Variants in FAM78B observed in about 807,000 individuals in gnomAD.
The protein encoded by FAM78B is family with sequence similarity 78 member B.
In FAM78B, 10 loss-of-function variants were observed where a neutral mutation model predicts 20.0. That is an observed-to-expected ratio of 0.50 (90% CI 0.31 to 0.85). FAM78B has a LOEUF of 0.85. FAM78B is among the 40% of genes least tolerant of loss of function. The pLI, the probability that FAM78B is intolerant of heterozygous loss-of-function variation, is 0.05. For missense variants in FAM78B, 283 were observed against 345.0 expected, an observed-to-expected ratio of 0.82 and a Z score of 1.42; for synonymous variants, 135 against 132.8, an observed-to-expected ratio of 1.02 and a Z score of -0.12.
intron 1 of FAM78B, among the ~76,000 whole-genome samples, chr1:166,137,583 C>T (rs1263794079): frequency 6.6e-6 from 1 of 151,972 alleles, no homozygotes; most frequent in African/African-American, 2.4e-5. Context: ...AAATGTGCTC[C>T]CTGTGACTGA....
At chr1:166,073,846 T>C (rs575196647) in intron 1 of FAM78B, among the ~76,000 whole-genome samples, 13 of 152,282 alleles carry the variant, frequency 8.5e-5, no homozygotes, top group African/African-American at 3.1e-4. Context: ...GTAAGGGCCA[T>C]CTTTGGCTCT....
At chr1:166,089,247 G>T (rs1652965428) in intron 1 of FAM78B, among the ~76,000 whole-genome samples, 1 of 152,174 alleles carries the variant, frequency 6.6e-6, no homozygotes, top group Non-Finnish European at 1.5e-5. Flanking sequence ...ATCACCATTT[G>T]TAATTATATA....
chr1:166,076,825 A>G (rs1037584308), intron 1 of FAM78B, among the ~76,000 whole-genome samples: 2 of 152,176 alleles, frequency 1.3e-5, no homozygotes, highest in African/African-American at 4.8e-5. Flanking sequence ...ATAGGCGGAC[A>G]CTGTGTCTGA....
chr1:166,097,186 G>A (rs1260042575), intron 1 of FAM78B, among the ~76,000 whole-genome samples: 1 of 152,230 alleles, frequency 6.6e-6, no homozygotes, highest in East Asian at 1.9e-4. Flanking sequence ...AGAAATACAG[G>A]AGTAGAGGAA....
chr1:166,080,852 G>A (rs1652539962), intron 1 of FAM78B, among the ~76,000 whole-genome samples: 1 of 152,252 alleles, frequency 6.6e-6, no homozygotes, highest in Non-Finnish European at 1.5e-5. Context: ...TGAAGAGAGA[G>A]GAGGCACGGA....
downstream of FAM78B, among the ~76,000 whole-genome samples, chr1:166,064,828 C>A (rs1394422642): frequency 6.6e-6 from 1 of 152,200 alleles, no homozygotes. Context: ...TCTTTCTGAT[C>A]GTGATGTTGG....
intron 1 of FAM78B, among the ~76,000 whole-genome samples, chr1:166,084,719 G>T (rs372528160): frequency 1.3e-5 from 2 of 152,160 alleles, no homozygotes; most frequent in Admixed American, 6.5e-5. Context: ...AGTCTCCTGT[G>T]ACACCTGCAG....
intron 1 of FAM78B, among the ~76,000 whole-genome samples, chr1:166,093,073 G>A (rs1250603616): frequency 1.3e-5 from 2 of 152,054 alleles, no homozygotes; most frequent in East Asian, 3.8e-4. Context: ...AATATACTTG[G>A]GTAGCTACTC....
intron 1 of FAM78B, chr1:166,082,495 CCA>C (rs1652621568): frequency 6.6e-6 from 1 of 152,298 alleles, no homozygotes; most frequent in South Asian, 2.1e-4. Context: ...GCATAAGCCA[CCA>C]CCCTTGGCTC....
At chr1:166,120,349 A>G (rs1654420431) in intron 1 of FAM78B, among the ~76,000 whole-genome samples, 1 of 152,198 alleles carries the variant, frequency 6.6e-6, no homozygotes. Flanking sequence ...TGTGCTTTCC[A>G]TCACACTGCA....
chr1:166,070,235 C>G lies in FAM78B; in HGVS notation c.*6G>C. ...GTGATCCACACACAGTCAGGCCAGT[C>G]TGCTTCTACTTAGGAGGGATCACAA... is the stretch of plus-strand genomic sequence containing the variant. On this transcript the variant is annotated 3_prime_UTR_variant, in exon 2 of 2. Coordinates refer to ENST00000354422, the MANE Select transcript of FAM78B (RefSeq NM_001017961.5). 2.0e-6 allele frequency: 3 copies of G among 1,519,302 alleles called. No homozygotes were observed. The highest frequency in any genetic ancestry group is 2.6e-6 in the Non-Finnish European group (3 of 1,133,104). 94.1% of individuals were successfully genotyped at this position (1,519,302 alleles called of 1,614,324 possible). A position where few individuals can be genotyped will look rare whatever the true frequency, so the allele number is the denominator to read the frequency against.
intron 1 of FAM78B, among the ~76,000 whole-genome samples, chr1:166,086,176 G>A (rs141831323): frequency 1.3e-5 from 2 of 150,758 alleles, no homozygotes; most frequent in African/African-American, 4.9e-5. Flanking sequence ...ACTTAACTCT[G>A]GCCTCTGGCT....
chr1:166,069,457 C>T lies in FAM78B; in HGVS notation c.*784G>A, dbSNP rs1249714240. 1.3e-5 allele frequency: 2 copies of T among 152,156 alleles called. No individual in the cohort carries two copies. The highest frequency in any genetic ancestry group is 2.9e-5 in the Non-Finnish European group (2 of 68,038). The allele number at this position is 152,156 out of a possible 1,614,324, so 9.4% of individuals were successfully genotyped here. ...AGTTAGGATTTCACTAAAACATGGACAGGGCCCCAAATATCATAACTATTG... is the reference window on the plus strand; with the variant it reads ...AGTTAGGATTTCACTAAAACATGGATAGGGCCCCAAATATCATAACTATTG... On this transcript the variant is annotated 3_prime_UTR_variant, in exon 2 of 2. Transcript: ENST00000354422.
intron 1 of FAM78B, among the ~76,000 whole-genome samples, chr1:166,073,168 T>A (rs6672167): frequency 0.15 from 23,027 of 152,190 alleles, 1,916 homozygotes; most frequent in African/African-American, 0.22. Context: ...ACAACAGGCT[T>A]CTTAATCATC....
chr1:166,109,886 A>ATATATATATATATATG (rs1553219467), intron 1 of FAM78B, among the ~76,000 whole-genome samples: 1 of 18,540 alleles, frequency 5.4e-5, no homozygotes, highest in Non-Finnish European at 1.0e-4. Flanking sequence ...ATATATGTAT[A>ATATATATATATATATG]TATGTATATA....
intron 1 of FAM78B, among the ~76,000 whole-genome samples, chr1:166,084,963 A>AT (rs1376921962): frequency 6.6e-6 from 1 of 152,136 alleles, no homozygotes; most frequent in East Asian, 1.9e-4. Context: ...CTTTCTTCTT[A>AT]TTTTTTTCCC....
At chr1:166,101,924 G>C (rs895957321) in intron 1 of FAM78B, among the ~76,000 whole-genome samples, 2 of 152,072 alleles carry the variant, frequency 1.3e-5, no homozygotes, top group Admixed American at 1.3e-4. Context: ...CACCAAAGTT[G>C]AAATGAAGGA....
chr1:166,106,646 C>T lies in FAM78B; in HGVS notation c.264-35883G>A, dbSNP rs185022144. Among the ~76,000 whole-genome samples, 463 of 152,188 alleles carry T rather than the reference C, an allele frequency of 3.0e-3. 4 individuals carry two copies. Among genetic ancestry groups the T allele is most frequent in the African/African-American group, 0.01 (434 of 41,526 alleles). ...GAAAACCAAATACTGCATGTTCTCACTGCTAAGTAGGAGCTAAACATTGGG... is the reference window on the plus strand; with the variant it reads ...GAAAACCAAATACTGCATGTTCTCATTGCTAAGTAGGAGCTAAACATTGGG... On this transcript the variant is annotated intron_variant, in intron 1 of 1. Coordinates refer to ENST00000354422, the MANE Select transcript of FAM78B (RefSeq NM_001017961.5).
chr1:166,154,767 G>C (rs956176621), intron 1 of FAM78B: 1 of 508,304 alleles, frequency 2.0e-6, no homozygotes, highest in Admixed American at 2.1e-5. Context: ...CCATGGACCT[G>C]AGTCTGAATC....
Sources: gnomAD v4.1 joint callset for allele counts (sites outside exome capture counted in the v4.1 genomes callset) on GRCh38, gnomAD v4.1.1 for gene constraint, MANE v1.5 for transcripts, NCBI Gene and HGNC (gene_info 2026-07-23, HGNC 2026-07-21) for gene names.